Variants in MYO9A observed in about 807,000 individuals in gnomAD.
The protein encoded by MYO9A is myosin IXA, also known as unconventional myosin-IXa.
MYO9A carries 103 observed loss-of-function variants against 293.3 expected under a neutral mutation model. The observed-to-expected ratio is 0.35, with a 90% CI of 0.30 to 0.41. The LOEUF (loss-of-function observed/expected upper bound fraction) is 0.41. Ranked by LOEUF, MYO9A falls within the 10% of genes least tolerant of loss-of-function variation. MYO9A has a pLI of 1.00. For synonymous variants in MYO9A, 1,001 were observed against 1,035.7 expected (o/e 0.97, Z 0.64); for missense variants, 2,685 against 3,033.0 (o/e 0.89, Z 2.69).
chr15:71,897,244 A>G, intron 25 of MYO9A: 1 of 536,192 alleles, frequency 1.9e-6, no homozygotes, highest in Non-Finnish European at 3.3e-6. Flanking sequence ...GGAACCCAGT[A>G]TTTACTCTGC....
At chr15:71,956,222 A>T (rs2041631687) in intron 14 of MYO9A, among the ~76,000 whole-genome samples, 1 of 149,966 alleles carries the variant, frequency 6.7e-6, no homozygotes, top group Non-Finnish European at 1.5e-5. Context: ...AAGCAGGAAG[A>T]TAACATGAGC....
At chr15:72,092,040 C>T (rs983989748) in intron 1 of MYO9A, among the ~76,000 whole-genome samples, 5 of 152,114 alleles carry the variant, frequency 3.3e-5, no homozygotes, top group Admixed American at 3.3e-4. Context: ...TTAAAAGCCT[C>T]AAAGAGCTAA....
chr15:72,072,550 C>T (rs919607760), intron 1 of MYO9A, among the ~76,000 whole-genome samples: 1 of 152,164 alleles, frequency 6.6e-6, no homozygotes, highest in Non-Finnish European at 1.5e-5. Context: ...GTGATACATA[C>T]ACAAAATAGA....
At chr15:72,073,543 G>A (rs1483603643) in intron 1 of MYO9A, among the ~76,000 whole-genome samples, 1 of 152,110 alleles carries the variant, frequency 6.6e-6, no homozygotes, top group Non-Finnish European at 1.5e-5. Context: ...ATTAAAAAGA[G>A]CCACACTTTG....
chr15:71,887,463 C>T (rs2057054097), intron 27 of MYO9A, among the ~76,000 whole-genome samples: 1 of 152,118 alleles, frequency 6.6e-6, no homozygotes, highest in Non-Finnish European at 1.5e-5. Context: ...GACAGAAAAT[C>T]ACTGGAGACA....
chr15:72,000,324 T>C (rs536183589), intron 8 of MYO9A, among the ~76,000 whole-genome samples: 1 of 152,248 alleles, frequency 6.6e-6, no homozygotes, highest in African/African-American at 2.4e-5. Flanking sequence ...TATTTATTTA[T>C]GTTTCAGATA....
At chr15:72,020,543 T>C (rs1024701010) in intron 5 of MYO9A, among the ~76,000 whole-genome samples, 1 of 152,216 alleles carries the variant, frequency 6.6e-6, no homozygotes, top group Non-Finnish European at 1.5e-5. Context: ...AGGTTTCAAG[T>C]AATCCCTTGC....
intron 1 of MYO9A, among the ~76,000 whole-genome samples, chr15:72,072,879 T>C (rs981593225): frequency 2.4e-4 from 37 of 152,268 alleles, no homozygotes; most frequent in African/African-American, 8.7e-4. Flanking sequence ...CCCGCACGTA[T>C]ACACCCTGAA....
intron 14 of MYO9A, among the ~76,000 whole-genome samples, chr15:71,956,310 T>TAAAA (rs869151550): frequency 1.3e-3 from 49 of 36,726 alleles, no homozygotes; most frequent in Non-Finnish European, 1.9e-3. Flanking sequence ...ACCCGGCTCT[T>TAAAA]AAAAAAAAAA....
intron 4 of MYO9A, among the ~76,000 whole-genome samples, chr15:72,024,716 C>CT (rs556429661): frequency 2.0e-4 from 31 of 152,082 alleles, no homozygotes; most frequent in Non-Finnish European, 3.8e-4. Flanking sequence ...AGGAATAGAA[C>CT]TACATACAAA....
In MYO9A at chr15:71,825,830, A is replaced by C. The variant is rs2054459057; in HGVS notation, c.*750T>G. On this transcript the variant is annotated 3_prime_UTR_variant, in exon 42 of 42. Coordinates refer to ENST00000356056, the MANE Select transcript of MYO9A (RefSeq NM_006901.4). Reference sequence around the variant, plus strand: ...AGAACAGTATGGCTACTGACACTTCAGCCCATGCAATGTATTTGGCAGGAA... The same window carrying C: ...AGAACAGTATGGCTACTGACACTTCCGCCCATGCAATGTATTTGGCAGGAA... 6.6e-6 allele frequency: 1 copy of C among 152,206 alleles called. No homozygotes were observed. Among genetic ancestry groups the C allele is most frequent in the Non-Finnish European group, 1.5e-5 (1 of 68,028 alleles). The allele number at this position is 152,206 out of a possible 1,614,324, so 9.4% of individuals were successfully genotyped here. A position where few individuals can be genotyped will look rare whatever the true frequency, so the allele number is the denominator to read the frequency against.
At chr15:72,054,426 A>G (rs1350409709) in intron 1 of MYO9A, among the ~76,000 whole-genome samples, 1 of 152,204 alleles carries the variant, frequency 6.6e-6, no homozygotes, top group Middle Eastern at 3.4e-3. Context: ...TAATCCCAGC[A>G]CTCTGGGGGG....
chr15:71,963,197 C>T (rs2147099331), intron 13 of MYO9A, among the ~76,000 whole-genome samples: 1 of 152,164 alleles, frequency 6.6e-6, no homozygotes, highest in South Asian at 2.1e-4. Context: ...GAATTCTACC[C>T]CTCTGCCTCC....
intron 11 of MYO9A, among the ~76,000 whole-genome samples, chr15:71,990,853 T>C (rs957802239): frequency 6.6e-6 from 1 of 152,208 alleles, no homozygotes; most frequent in African/African-American, 2.4e-5. Context: ...CAATTGAAGC[T>C]ACCAGACTAC....
chr15:71,998,580 T>C (rs1488244772), intron 9 of MYO9A, among the ~76,000 whole-genome samples: 2 of 151,524 alleles, frequency 1.3e-5, no homozygotes, highest in South Asian at 2.1e-4. Context: ...TTTTTCTTTT[T>C]ATTATTATTA....
chr15:71,879,068 A>G (rs948021349), intron 30 of MYO9A, among the ~76,000 whole-genome samples: 6 of 152,124 alleles, frequency 3.9e-5, no homozygotes, highest in African/African-American at 4.8e-5. Context: ...TAGAGTATAA[A>G]TTAAAAAGCT....
chr15:72,020,138 A>C (rs1416737351), intron 5 of MYO9A, among the ~76,000 whole-genome samples: 1 of 152,164 alleles, frequency 6.6e-6, no homozygotes, highest in Admixed American at 6.5e-5. Context: ...CTTCGTAAGG[A>C]TTTTTTTAAT....
intron 19 of MYO9A, among the ~76,000 whole-genome samples, chr15:71,913,019 T>C (rs2057906921): frequency 6.6e-6 from 1 of 152,136 alleles, no homozygotes; most frequent in Non-Finnish European, 1.5e-5. Context: ...AGTTTTTTTT[T>C]TTTCCATCAA....
At chr15:72,117,564 C>T in intron 1 of MYO9A, 116 bp downstream of exon 1, 1 of 374,440 alleles carries the variant, frequency 2.7e-6, no homozygotes, top group Middle Eastern at 6.8e-4. Context: ...CGCAGACCCG[C>T]TCGCGGGGCG....
Sources: allele counts gnomAD v4.1 joint callset (sites outside exome capture counted in the v4.1 genomes callset), GRCh38; gene constraint gnomAD v4.1.1; transcripts MANE v1.5; gene names NCBI Gene and HGNC (gene_info 2026-07-23, HGNC 2026-07-21).